CYB561: variants seen among roughly 807,000 people sequenced by gnomAD.
CYB561 encodes transmembrane ascorbate-dependent reductase CYB561.
CYB561 carries 11 observed loss-of-function variants against 25.3 expected under a neutral mutation model. The ratio of observed to expected loss-of-function variants is 0.44; its 90% CI spans 0.27 to 0.72. CYB561 has a LOEUF of 0.72. Ranked by LOEUF, CYB561 falls within the 30% of genes least tolerant of loss-of-function variation. The probability of loss-of-function intolerance (pLI) is 0.18; values close to 1 mark genes in which losing one functional copy is unlikely to be tolerated. For synonymous variants in CYB561, 165 were observed against 158.8 expected (o/e 1.04, Z -0.29); for missense variants, 295 against 334.9 (o/e 0.88, Z 0.93).
intron 1 of CYB561, among the ~76,000 whole-genome samples, chr17:63,444,156 G>T (rs1372974612): frequency 1.3e-5 from 2 of 152,018 alleles, no homozygotes; most frequent in African/African-American, 4.8e-5. Context: ...CTAATTTTTT[G>T]TATCTTTTGT....
chr17:63,439,598 C>A (rs903899135), intron 1 of CYB561, among the ~76,000 whole-genome samples: 2 of 151,906 alleles, frequency 1.3e-5, no homozygotes, highest in Non-Finnish European at 2.9e-5. Context: ...ACACGCACTG[C>A]AGTAGAATAT....
intron 1 of CYB561, chr17:63,438,328 C>T (rs563360449): frequency 6.8e-6 from 6 of 882,902 alleles, no homozygotes; most frequent in Admixed American, 2.4e-5. Context: ...TTTCTCCAGA[C>T]GCGTCATGAA....
intron 2 of CYB561, 43 bp downstream of exon 2, chr17:63,437,303 C>A: frequency 6.6e-7 from 1 of 1,524,170 alleles, no homozygotes; most frequent in Non-Finnish European, 9.1e-7. Context: ...CTCTCAGGGA[C>A]CCCCACAAGC....
chr17:63,432,782 G>A lies in CYB561; in HGVS notation c.*1620C>T, dbSNP rs1369102338. 2 of 152,320 alleles carry A rather than the reference G, an allele frequency of 1.3e-5. No homozygotes were observed. Among genetic ancestry groups the A allele is most frequent in the Admixed American group, 6.5e-5 (1 of 15,272 alleles). 9.4% of individuals were successfully genotyped at this position (152,320 alleles called of 1,614,324 possible). On this transcript the variant is annotated 3_prime_UTR_variant, in exon 6 of 6. Coordinates refer to ENST00000360793, the MANE Select transcript of CYB561 (RefSeq NM_001915.4). The stretch of plus-strand genomic sequence containing the variant: ...ACCACCTGCTCCCAGAAATGACACT[G>A]CCTGAGGCAGGAGACACAGCAAAAG...
chr17:63,435,659 C>T lies in CYB561; in HGVS notation c.405+29G>A, dbSNP rs747910223. On this transcript the variant is annotated intron_variant, in intron 4 of 5. Coordinates refer to ENST00000360793, the MANE Select transcript of CYB561 (RefSeq NM_001915.4). ...TCCTCCCACCTCCCTGGTAGGTGGC[C>T]CCAGGCCCGGGGTGTTGGAAGGACT... The T allele has an allele frequency of 3.8e-6, 6 of 1,591,916 alleles. No individual in the cohort carries two copies. In the African/African-American group the frequency reaches 5.4e-5, roughly 14 times the overall value.
chr17:63,438,031 C>CCCTTCCCA, intron 1 of CYB561: 1 of 1,518,796 alleles, frequency 6.6e-7, no homozygotes, highest in Non-Finnish European at 8.8e-7. Flanking sequence ...ACCCGCAAGC[C>CCCTTCCCA]CCTTCCCACC....
intron 1 of CYB561, among the ~76,000 whole-genome samples, chr17:63,444,268 AG>A (rs1425828433): frequency 2.0e-5 from 3 of 152,258 alleles, no homozygotes; most frequent in Non-Finnish European, 4.4e-5. Context: ...TGAAAGGCCC[AG>A]CGCAGCCCAG....
chr17:63,434,098 T>A lies in CYB561; in HGVS notation c.*304A>T. The A allele has an allele frequency of 3.0e-6, 1 of 337,454 alleles. No individual in the cohort carries two copies. The highest frequency in any genetic ancestry group is 5.4e-6 in the Non-Finnish European group (1 of 186,580). The allele number at this position is 337,454 out of a possible 1,614,324, so 20.9% of individuals were successfully genotyped here. ...AGGAGGGTGGGGCCTCCTCTCTCGC[T>A]TCTTTAAAGATCTGTGCTCTGCGAC... On this transcript the variant is annotated 3_prime_UTR_variant, in exon 6 of 6. Coordinates refer to ENST00000360793, the MANE Select transcript of CYB561 (RefSeq NM_001915.4).
rs749104011 is a variant in CYB561 at position 63,437,553 on chromosome 17, G to A, written c.-6C>T. On this transcript the variant is annotated 5_prime_UTR_variant, in exon 2 of 6. Transcript: ENST00000360793. ...GCCGCGGCCCCGCCCTCCATGCTGAGGCAAACGCTGCAAGAAAGAGCAGAG... is the reference window on the plus strand; with the variant it reads ...GCCGCGGCCCCGCCCTCCATGCTGAAGCAAACGCTGCAAGAAAGAGCAGAG... 18 of 1,605,918 alleles carry A rather than the reference G, an allele frequency of 1.1e-5. 1 individual carries two copies. Among genetic ancestry groups the A allele is most frequent in the South Asian group, 5.5e-5 (5 of 90,904 alleles).
At chr17:63,437,968 C>A (rs1331915271) in intron 1 of CYB561, 5 of 690,960 alleles carry the variant, frequency 7.2e-6, no homozygotes, top group African/African-American at 2.0e-5. Flanking sequence ...CCTCCCACGG[C>A]GGCCCCGCCA....
Position 63,435,726 on chromosome 17 carries a change from A to C in CYB561, c.367T>G (p.Trp123Gly). 6.2e-7 allele frequency: 1 copy of C among 1,614,252 alleles called. No homozygotes were observed. Among genetic ancestry groups the C allele is most frequent in the African/African-American group, 1.3e-5 (1 of 75,074 alleles). ...GYADLYSLHS[W>G]CGILVFVLYF... The stretch of plus-strand genomic sequence containing the variant: ...AGGACAAAGACAAGGATCCCGCACC[A>C]GCTGTGTAGGCTGTACAGGTCAGCG... The change falls in exon 4 of 6, where the codon TGG becomes GGG. Residue 123 changes from tryptophan to glycine, a missense_variant. Trp to Gly is a radical substitution (Grantham distance 184). Coordinates refer to ENST00000360793, the MANE Select transcript of CYB561 (RefSeq NM_001915.4).
At chr17:63,438,052 A>G (rs1568024157) in intron 1 of CYB561, 1 of 1,374,254 alleles carries the variant, frequency 7.3e-7, no homozygotes, top group Admixed American at 2.3e-5. Flanking sequence ...CATCGTCCTG[A>G]GGCAGAGGTC....
At chr17:63,435,466 T>C (rs2049286485) in intron 4 of CYB561, 2 of 684,170 alleles carry the variant, frequency 2.9e-6, no homozygotes, top group Non-Finnish European at 2.4e-6. Flanking sequence ...AAAGCTGGGC[T>C]TGTGGCCAAA....
chr17:63,441,920 C>T (rs1163143194), intron 1 of CYB561, among the ~76,000 whole-genome samples: 1 of 152,332 alleles, frequency 6.6e-6, no homozygotes, highest in South Asian at 2.1e-4. Flanking sequence ...AGGCCCTGAC[C>T]GAAGGCAAGA....
intron 1 of CYB561, among the ~76,000 whole-genome samples, chr17:63,439,866 T>G (rs1159048512): frequency 1.3e-5 from 2 of 152,174 alleles, no homozygotes; most frequent in Non-Finnish European, 2.9e-5. Flanking sequence ...TGTTCAGCAT[T>G]TAGCTAGCTT....
intron 1 of CYB561, chr17:63,440,304 G>C (rs1047605662): frequency 6.5e-5 from 26 of 398,432 alleles, no homozygotes; most frequent in Admixed American, 1.8e-4. Flanking sequence ...CCCTTCTTCC[G>C]GGCCCAGGTG....
intron 4 of CYB561, chr17:63,435,474 A>C (rs2049286555): frequency 1.5e-6 from 1 of 682,942 alleles, no homozygotes; most frequent in African/African-American, 1.8e-5. Context: ...GCTTGTGGCC[A>C]AAAGTGCTGA....
chr17:63,438,852 G>A (rs1020781827), intron 1 of CYB561, among the ~76,000 whole-genome samples: 16 of 152,336 alleles, frequency 1.1e-4, no homozygotes, highest in Admixed American at 5.9e-4. Context: ...GAGGAGAGGC[G>A]GCAGGAGGAG....
intron 1 of CYB561, chr17:63,440,866 C>T (rs1379083878): frequency 3.3e-5 from 5 of 152,276 alleles, no homozygotes; most frequent in African/African-American, 1.2e-4. Context: ...TGTTGTCTGT[C>T]CTCCTCTCCA....
Sources: gnomAD v4.1 joint callset for allele counts (sites outside exome capture counted in the v4.1 genomes callset) on GRCh38, gnomAD v4.1.1 for gene constraint, MANE v1.5 for transcripts, NCBI Gene and HGNC (gene_info 2026-07-23, HGNC 2026-07-21) for gene names.